Variants in INPP5B observed in about 807,000 individuals in gnomAD.
INPP5B encodes the protein inositol polyphosphate-5-phosphatase B.
In INPP5B, 90 loss-of-function variants were observed where a neutral mutation model predicts 118.5. The ratio of observed to expected loss-of-function variants is 0.76; its 90% CI spans 0.64 to 0.90. The LOEUF (loss-of-function observed/expected upper bound fraction) is 0.90, where lower values mean the gene tolerates loss of function less well. INPP5B is among the 40% of genes least tolerant of loss of function. The pLI is 0.00. For synonymous variants in INPP5B, 385 were observed against 418.9 expected (o/e 0.92, Z 0.99); for missense variants, 984 against 1,125.6 (o/e 0.87, Z 1.80).
At chr1:37,940,420 C>T (rs937186992) in intron 6 of INPP5B, among the ~76,000 whole-genome samples, 3 of 152,182 alleles carry the variant, frequency 2.0e-5, no homozygotes, top group Non-Finnish European at 4.4e-5. Context: ...TTCTGCATCA[C>T]AGTCACAACC....
chr1:37,890,371 T>C (rs1643774277), intron 8 of INPP5B, among the ~76,000 whole-genome samples: 1 of 151,132 alleles, frequency 6.6e-6, no homozygotes, highest in Non-Finnish European at 1.5e-5. Flanking sequence ...AGAAAAAAAC[T>C]GTAAAACCCT....
chr1:37,862,386 G>C lies in INPP5B; in HGVS notation c.2671C>G (p.Gln891Glu), dbSNP rs571764941. 1 of 1,613,906 alleles carries C rather than the reference G, an allele frequency of 6.2e-7. No individual in the cohort carries two copies. Among genetic ancestry groups the C allele is most frequent in the South Asian group, 1.1e-5 (1 of 91,076 alleles). ...TTCTTCTCTGTCATATCAAGCTTTT[G>C]GTGACCAGCTGGGTTTCGAAGCAAT... is the stretch of plus-strand genomic sequence containing the variant. ...SLLLRNPAGH[Q>E]KLDMTEKKKA... The change falls in exon 24 of 24, where the codon CAA (glutamine) becomes GAA (glutamate). Residue 891 changes from glutamine to glutamate, a missense_variant. By Grantham distance (29) the Gln-to-Glu change is conservative (BLOSUM62 2). Around this residue, in one of 2 missense-constraint regions of INPP5B, gnomAD observed 634 missense variants for 791.0 expected, o/e 0.80. Coordinates refer to ENST00000373024, the MANE Select transcript of INPP5B (RefSeq NM_005540.3).
chr1:37,862,467 A>G (rs1437375309), intron 23 of INPP5B, 37 bp from the exon 24 acceptor site: 1 of 1,341,502 alleles, frequency 7.5e-7, no homozygotes, highest in Non-Finnish European at 1.1e-6. Context: ...TGATTCAGCA[A>G]AAGAAGGTAC....
intron 7 of INPP5B, among the ~76,000 whole-genome samples, chr1:37,904,435 A>G (rs1255340179): frequency 4.6e-5 from 7 of 152,186 alleles, no homozygotes; most frequent in Non-Finnish European, 1.0e-4. Context: ...AAAGTTTAAG[A>G]GTTTGTTAAT....
intron 7 of INPP5B, among the ~76,000 whole-genome samples, chr1:37,921,697 A>C (rs1020065342): frequency 2.6e-5 from 4 of 152,082 alleles, no homozygotes; most frequent in African/African-American, 4.8e-5. Flanking sequence ...AAATACAAAA[A>C]TTTTTTAAAA....
At chr1:37,920,834 C>T (rs1028470233) in intron 7 of INPP5B, among the ~76,000 whole-genome samples, 17 of 152,110 alleles carry the variant, frequency 1.1e-4, no homozygotes, top group African/African-American at 3.6e-4. Context: ...CGGCCAGGCG[C>T]GGTGGCTCAC....
chr1:37,944,406 T>C (rs1280693335), intron 3 of INPP5B, among the ~76,000 whole-genome samples: 2 of 152,066 alleles, frequency 1.3e-5, no homozygotes, highest in Non-Finnish European at 2.9e-5. Context: ...ACTTTCTTTT[T>C]TTTATTTATT....
intron 6 of INPP5B, among the ~76,000 whole-genome samples, chr1:37,939,655 G>A (rs1411068562): frequency 8.1e-6 from 1 of 123,934 alleles, no homozygotes; most frequent in Non-Finnish European, 1.9e-5. Flanking sequence ...GTGTTAGCTA[G>A]GATGATCTCG....
At chr1:37,870,097 T>C (rs2148457766) in intron 19 of INPP5B, 1 of 152,006 alleles carries the variant, frequency 6.6e-6, no homozygotes, top group South Asian at 2.1e-4. Context: ...AAAAGAATAA[T>C]ATCATTGACT....
intron 7 of INPP5B, among the ~76,000 whole-genome samples, chr1:37,908,005 G>A (rs900280521): frequency 3.3e-5 from 5 of 151,792 alleles, no homozygotes; most frequent in African/African-American, 1.2e-4. Flanking sequence ...CCTTAAGAAG[G>A]TACTTTGTAA....
intron 7 of INPP5B, among the ~76,000 whole-genome samples, chr1:37,908,154 G>A (rs1350493183): frequency 6.6e-6 from 1 of 152,166 alleles, no homozygotes; most frequent in Non-Finnish European, 1.5e-5. Context: ...CAGCCCTGTT[G>A]CTCACACAAA....
At chr1:37,877,884 A>G (rs1411617459) in intron 16 of INPP5B, among the ~76,000 whole-genome samples, 1 of 152,192 alleles carries the variant, frequency 6.6e-6, no homozygotes, top group Non-Finnish European at 1.5e-5. Flanking sequence ...CTCTTTTACA[A>G]AAAAGGAAAA....
At chr1:37,940,234 C>T (rs1316375568) in intron 6 of INPP5B, among the ~76,000 whole-genome samples, 3 of 152,328 alleles carry the variant, frequency 2.0e-5, no homozygotes, top group East Asian at 1.9e-4. Context: ...AGGCCACTAA[C>T]GTTTCACTGC....
chr1:37,931,703 C>T, intron 7 of INPP5B: 1 of 1,539,336 alleles, frequency 6.5e-7, no homozygotes, highest in Non-Finnish European at 8.8e-7. Flanking sequence ...GAGCCGGCGG[C>T]GGCAGACATT....
intron 12 of INPP5B, 143 bp downstream of exon 12, chr1:37,886,745 T>A (rs1643561770): frequency 4.4e-6 from 3 of 679,540 alleles, no homozygotes; most frequent in East Asian, 2.5e-5. Context: ...TTTGCTCGAC[T>A]GAGCCCTGCT....
intron 7 of INPP5B, among the ~76,000 whole-genome samples, chr1:37,916,598 T>G (rs936320157): frequency 6.6e-6 from 1 of 151,950 alleles, no homozygotes; most frequent in African/African-American, 2.4e-5. Context: ...GTATTTTTAG[T>G]AGAGATGGGG....
chr1:37,914,843 T>C (rs1477923744), intron 7 of INPP5B, among the ~76,000 whole-genome samples: 2 of 152,172 alleles, frequency 1.3e-5, no homozygotes, highest in Admixed American at 1.3e-4. Context: ...GTGCTATCTC[T>C]GGCCCCAGCT....
At chr1:37,902,439 C>T (rs1398277811) in intron 7 of INPP5B, among the ~76,000 whole-genome samples, 1 of 152,160 alleles carries the variant, frequency 6.6e-6, no homozygotes, top group Non-Finnish European at 1.5e-5. Flanking sequence ...TAGAAGAAAA[C>T]ACAAATCTGG....
chr1:37,887,298 G>A, intron 11 of INPP5B, 53 bp downstream of exon 11: 1 of 1,072,608 alleles, frequency 9.3e-7, no homozygotes, highest in Non-Finnish European at 1.4e-6. Context: ...AATGATCTTG[G>A]AATTTCCCTG....
Sources: gnomAD v4.1 joint callset for allele counts (sites outside exome capture counted in the v4.1 genomes callset) on GRCh38, gnomAD v4.1.1 for gene constraint, gnomAD v4.1.1 regional missense constraint, MANE v1.5 for transcripts, NCBI Gene and HGNC (gene_info 2026-07-23, HGNC 2026-07-21) for gene names.